Variants in CAMTA1 observed in about 807,000 individuals in gnomAD.
The protein encoded by CAMTA1 is calmodulin binding transcription activator 1.
A neutral mutation model predicts 170.9 loss-of-function variants in CAMTA1; 27 were observed. That is an observed-to-expected ratio of 0.16 (90% CI 0.12 to 0.22). The LOEUF is 0.22. Ranked by LOEUF, CAMTA1 falls within the 10% of genes least tolerant of loss-of-function variation. CAMTA1 has a pLI of 1.00. For missense variants in CAMTA1, 1,619 were observed against 2,217.2 expected (o/e 0.73, Z 5.42); for synonymous variants, 833 against 891.5 (o/e 0.93, Z 1.17).
At position 7,498,397 on chromosome 1, in the gene CAMTA1, A is replaced by G. The variant is rs374574040; in HGVS notation, c.510+30496A>G. On this transcript the variant is annotated intron_variant, in intron 6 of 22. Coordinates refer to ENST00000303635, the MANE Select transcript of CAMTA1 (RefSeq NM_015215.4). Reference sequence around the variant, plus strand: ...TGTATGAGTGGATGTGTGTGAGTGAATGTGTATGAGTGTGTATGAGTGTGT... The same window carrying G: ...TGTATGAGTGGATGTGTGTGAGTGAGTGTGTATGAGTGTGTATGAGTGTGT... Among the ~76,000 whole-genome samples, 5 of 146,014 alleles carry G rather than the reference A, an allele frequency of 3.4e-5. No individual in the cohort carries two copies. The South Asian group carries it at 6.6e-4, about 19-fold the overall frequency.
chr1:6,910,926 G>A (rs74051056), intron 3 of CAMTA1, among the ~76,000 whole-genome samples: 2,953 of 152,316 alleles, frequency 0.019, 98 homozygotes, highest in African/African-American at 0.066. Context: ...GGAAATGGAA[G>A]TGGCGGGCAA....
intron 6 of CAMTA1, among the ~76,000 whole-genome samples, chr1:7,621,399 G>A (rs2095597238): frequency 6.6e-6 from 1 of 152,242 alleles, no homozygotes; most frequent in Non-Finnish European, 1.5e-5. Flanking sequence ...TGGGATGCCA[G>A]GAATTTCCCC....
At chr1:7,591,042 G>A (rs570761075) in intron 6 of CAMTA1, among the ~76,000 whole-genome samples, 1 of 152,166 alleles carries the variant, frequency 6.6e-6, no homozygotes, top group Non-Finnish European at 1.5e-5. Flanking sequence ...ACTGACACTG[G>A]GTTCTCTGCG....
At chr1:6,836,708 A>G (rs1042962710) in intron 3 of CAMTA1, among the ~76,000 whole-genome samples, 8 of 152,140 alleles carry the variant, frequency 5.3e-5, no homozygotes, top group African/African-American at 9.7e-5. Flanking sequence ...AGTTCATTTT[A>G]TTGTGACTCC....
chr1:7,165,405 G>T (rs1157306671), intron 4 of CAMTA1, among the ~76,000 whole-genome samples: 2 of 152,094 alleles, frequency 1.3e-5, no homozygotes, highest in East Asian at 3.8e-4. Context: ...TGGCCCCAGT[G>T]ATAGTGTTTT....
intron 4 of CAMTA1, among the ~76,000 whole-genome samples, chr1:7,177,472 C>T (rs1213491037): frequency 6.8e-6 from 1 of 146,062 alleles, no homozygotes; most frequent in Non-Finnish European, 1.5e-5. Flanking sequence ...ACCCTGAGGC[C>T]CCCCCACACA....
At chr1:7,221,585 G>A (rs868305495) in intron 4 of CAMTA1, among the ~76,000 whole-genome samples, 11 of 152,102 alleles carry the variant, frequency 7.2e-5, no homozygotes, top group South Asian at 2.1e-4. Context: ...CAGTGAATGC[G>A]TCGTGAAACA....
chr1:7,614,299 G>A (rs2095544504), intron 6 of CAMTA1, among the ~76,000 whole-genome samples: 1 of 152,066 alleles, frequency 6.6e-6, no homozygotes, highest in Admixed American at 6.5e-5. Flanking sequence ...TCCCTTGTTG[G>A]AGCTCTGGCG....
chr1:7,610,848 C>T (rs1052342022), intron 6 of CAMTA1, among the ~76,000 whole-genome samples: 3 of 152,328 alleles, frequency 2.0e-5, no homozygotes, highest in East Asian at 1.9e-4. Context: ...GGTCAAATAG[C>T]GCCTCAGAGC....
At chr1:7,755,566 A>C in intron 21 of CAMTA1, 72 bp from the exon 22 acceptor site, 1 of 1,144,432 alleles carries the variant, frequency 8.7e-7, no homozygotes. Context: ...TGTTGAAATA[A>C]AGCTATTTGT....
At position 7,310,706 on chromosome 1, in the gene CAMTA1, CTTTCTTTCTTTCTT is replaced by C. The variant is rs1557491892; in HGVS notation, c.438+61082_438+61095del. 2.3e-3 allele frequency among the ~76,000 whole-genome samples: 133 copies of C among 57,520 alleles called. 9 individuals carry two copies. The highest frequency in any genetic ancestry group is 0.012 in the African/African-American group (106 of 8,736). The allele number at this position is 57,520 out of a possible 152,430, so 37.7% of individuals were successfully genotyped here. On this transcript the variant is annotated intron_variant, in intron 5 of 22. Coordinates refer to ENST00000303635, the MANE Select transcript of CAMTA1 (RefSeq NM_015215.4). ...TCTCTCTCTCTCTCTCTCTCTCTTT[CTTTCTTTCTTTCTT>C]TCTTTCTTTCTTTCTTTCTTTCTTT...
At chr1:7,360,678 T>C (rs705673) in intron 5 of CAMTA1, among the ~76,000 whole-genome samples, 142,988 of 152,260 alleles carry the variant, frequency 0.94, 67,239 homozygotes, top group East Asian at 1. Flanking sequence ...AGCTGTTTCT[T>C]TTCACCCTGT....
At chr1:7,445,811 C>T (rs1232237919) in intron 5 of CAMTA1, among the ~76,000 whole-genome samples, 3 of 152,182 alleles carry the variant, frequency 2.0e-5, no homozygotes, top group Non-Finnish European at 4.4e-5. Flanking sequence ...TACAGAGGGC[C>T]AGGGGTAGCA....
Position 7,271,156 on chromosome 1 carries a change from C to G in CAMTA1, c.438+21530C>G, listed in dbSNP as rs541664187. ...GGTTAAATGAGGTCATAGGGATGTACCCTTGATCCAATATGATTAGTATTC... is the reference window on the plus strand; with the variant it reads ...GGTTAAATGAGGTCATAGGGATGTAGCCTTGATCCAATATGATTAGTATTC... On this transcript the variant is annotated intron_variant, in intron 5 of 22. Transcript: ENST00000303635. 2.0e-5 allele frequency among the ~76,000 whole-genome samples: 3 copies of G among 152,134 alleles called. No individual in the cohort carries two copies. The South Asian group carries it at 6.2e-4, about 32-fold the overall frequency.
At chr1:7,563,855 G>T (rs551951266) in intron 6 of CAMTA1, among the ~76,000 whole-genome samples, 37 of 152,288 alleles carry the variant, frequency 2.4e-4, no homozygotes, top group African/African-American at 8.9e-4. Context: ...CCTGCCCATG[G>T]AACTGCATTC....
At chr1:6,852,745 T>A (rs1274369605) in intron 3 of CAMTA1, among the ~76,000 whole-genome samples, 1 of 152,236 alleles carries the variant, frequency 6.6e-6, no homozygotes. Flanking sequence ...TTGTTTGGGT[T>A]TTTATGGAGG....
intron 6 of CAMTA1, among the ~76,000 whole-genome samples, chr1:7,564,884 T>G (rs2095018606): frequency 6.7e-6 from 1 of 148,178 alleles, no homozygotes. Flanking sequence ...ACAAAAACAG[T>G]GGGGTGGAAA....
At chr1:7,347,130 G>A (rs1557560595) in intron 5 of CAMTA1, among the ~76,000 whole-genome samples, 1 of 152,204 alleles carries the variant, frequency 6.6e-6, no homozygotes, top group African/African-American at 2.4e-5. Flanking sequence ...GCCTCATCCC[G>A]GTGGCAGCGT....
intron 1 of CAMTA1, among the ~76,000 whole-genome samples, chr1:6,794,661 T>G (rs959525121): frequency 3.9e-5 from 6 of 152,150 alleles, no homozygotes; most frequent in Non-Finnish European, 8.8e-5. Flanking sequence ...TGGGAAACAT[T>G]AGACATCTAG....
Sources: allele counts gnomAD v4.1 joint callset (sites outside exome capture counted in the v4.1 genomes callset), GRCh38; gene constraint gnomAD v4.1.1; transcripts MANE v1.5; gene names NCBI Gene and HGNC (gene_info 2026-07-23, HGNC 2026-07-21).